Variants in SPICE1 observed in about 807,000 individuals in gnomAD.
SPICE1 encodes spindle and centriole associated protein 1, also known as spindle and centriole-associated protein 1.
SPICE1 carries 75 observed loss-of-function variants against 102.7 expected under a neutral mutation model. The observed-to-expected ratio is 0.73, with a 90% CI of 0.61 to 0.88. The LOEUF is 0.88. Ranked by LOEUF, SPICE1 falls within the 40% of genes least tolerant of loss-of-function variation. The probability of loss-of-function intolerance (pLI) is 0.00; values close to 1 mark genes in which losing one functional copy is unlikely to be tolerated. For missense variants in SPICE1, 979 were observed against 1,020.1 expected (o/e 0.96, Z 0.55); for synonymous variants, 308 against 350.3 (o/e 0.88, Z 1.35).
intron 11 of SPICE1, among the ~76,000 whole-genome samples, chr3:113,461,253 G>A (rs1400176480): frequency 4.0e-5 from 6 of 151,410 alleles, no homozygotes; most frequent in African/African-American, 1.2e-4. Context: ...TTTTACATAC[G>A]TGCATGAGAG....
intron 7 of SPICE1, among the ~76,000 whole-genome samples, chr3:113,475,614 G>GC (rs1368767815): frequency 6.6e-6 from 1 of 152,124 alleles, no homozygotes; most frequent in East Asian, 1.9e-4. Context: ...TCCCTGGGAT[G>GC]CAAGGCTGGT....
At chr3:113,494,184 T>C in intron 4 of SPICE1, 42 bp from the exon 5 acceptor site, 1 of 1,388,686 alleles carries the variant, frequency 7.2e-7, no homozygotes, top group Non-Finnish European at 1.0e-6. Flanking sequence ...TCAGATTATA[T>C]TTACTTTTCA....
At chr3:113,481,864 A>T (rs1405105774) in intron 7 of SPICE1, among the ~76,000 whole-genome samples, 1 of 152,108 alleles carries the variant, frequency 6.6e-6, no homozygotes, top group Non-Finnish European at 1.5e-5. Flanking sequence ...GTGAATAGTG[A>T]TGCAATAAAC....
chr3:113,473,306 C>T (rs1469844640), intron 7 of SPICE1, among the ~76,000 whole-genome samples: 2 of 152,040 alleles, frequency 1.3e-5, no homozygotes, highest in African/African-American at 4.8e-5. Context: ...AAATCTACGT[C>T]TGATTGGTGT....
rs779441712 is a variant in SPICE1, at chr3:113,450,516, T to C, written c.2143A>G (p.Thr715Ala). The C allele has an allele frequency of 6.4e-7, 1 of 1,563,152 alleles. No homozygotes were observed. The highest frequency in any genetic ancestry group is 1.2e-5 in the South Asian group (1 of 84,278). Residue 715 changes from threonine to alanine, a missense_variant and splice_region_variant, in exon 15 of 18, where the codon ACT (threonine) becomes GCT (alanine). Thr to Ala is a moderately conservative substitution (Grantham distance 58). Coordinates refer to ENST00000295872, the MANE Select transcript of SPICE1 (RefSeq NM_144718.4). ...KQESASDMTS[T>A]FPVAQSLTPG... ...GTTAGAGACTGTGCTACTGGAAAAG[T>C]CTTTGGGAGAAAAAAAAAAAAAGTA...
At chr3:113,482,977 T>C (rs967058064) in intron 7 of SPICE1, among the ~76,000 whole-genome samples, 1 of 152,224 alleles carries the variant, frequency 6.6e-6, no homozygotes, top group Non-Finnish European at 1.5e-5. Context: ...TAGCATTGAA[T>C]CTATAAATTA....
intron 1 of SPICE1, among the ~76,000 whole-genome samples, chr3:113,509,024 T>C (rs1476838920): frequency 6.6e-6 from 1 of 152,210 alleles, no homozygotes; most frequent in African/African-American, 2.4e-5. Flanking sequence ...TGATATGATG[T>C]GTCCAGAATA....
At chr3:113,449,159 A>G (rs1019327461) in intron 15 of SPICE1, 4 of 152,194 alleles carry the variant, frequency 2.6e-5, no homozygotes, top group African/African-American at 9.6e-5. Flanking sequence ...TTTAAACACA[A>G]AATTATTCTT....
intron 13 of SPICE1, among the ~76,000 whole-genome samples, chr3:113,456,676 A>T (rs1023412004): frequency 2.6e-5 from 4 of 152,218 alleles, no homozygotes; most frequent in African/African-American, 9.6e-5. Flanking sequence ...AATTGCCTCA[A>T]CTAACTGAGC....
At chr3:113,513,651 T>C (rs1282171352) in intron 1 of SPICE1, among the ~76,000 whole-genome samples, 2 of 152,342 alleles carry the variant, frequency 1.3e-5, no homozygotes, top group African/African-American at 2.4e-5. Flanking sequence ...CTCTGTTCCT[T>C]ATCTCTTAGT....
chr3:113,449,518 G>T (rs1176558098), intron 15 of SPICE1: 1 of 152,178 alleles, frequency 6.6e-6, no homozygotes, highest in South Asian at 2.1e-4. Context: ...ATTTCCAAAA[G>T]AGTCTGCTTT....
chr3:113,453,304 T>C (rs983532765), intron 14 of SPICE1, among the ~76,000 whole-genome samples, 162 bp downstream of exon 14: 2 of 152,224 alleles, frequency 1.3e-5, no homozygotes, highest in Non-Finnish European at 2.9e-5. Context: ...AACAGACTGA[T>C]AAATAACTTG....
In SPICE1 at chr3:113,450,483, T is replaced by C. The variant is rs767730050; in HGVS notation, c.2176A>G (p.Ser726Gly). 6 of 1,612,914 alleles carry C rather than the reference T, an allele frequency of 3.7e-6. No homozygotes were observed. The South Asian group carries it at 5.5e-5, about 15-fold the overall frequency. Residue 726 changes from serine to glycine, a missense_variant, in exon 15 of 18, where the codon AGT becomes GGT. Transcript: ENST00000295872. ...FPVAQSLTPG[S>G]MEERIAELNR... Reference sequence around the variant, plus strand: ...AATTCTGCAATCCGTTCCTCCATACTACCTGGTGTTAGAGACTGTGCTACT... The same window carrying C: ...AATTCTGCAATCCGTTCCTCCATACCACCTGGTGTTAGAGACTGTGCTACT...
At chr3:113,458,519 T>C (rs1471613173) in intron 12 of SPICE1, among the ~76,000 whole-genome samples, 1 of 152,320 alleles carries the variant, frequency 6.6e-6, no homozygotes, top group Admixed American at 6.5e-5. Context: ...CAGTGCTCAA[T>C]GTTGCCCAGG....
At chr3:113,461,054 T>C (rs1272361322) in intron 11 of SPICE1, among the ~76,000 whole-genome samples, 1 of 152,022 alleles carries the variant, frequency 6.6e-6, no homozygotes, top group East Asian at 1.9e-4. Flanking sequence ...AGAATTAACC[T>C]TTCTACAGGG....
At chr3:113,472,320 C>A (rs1936225127) in intron 7 of SPICE1, among the ~76,000 whole-genome samples, 5 of 152,242 alleles carry the variant, frequency 3.3e-5, no homozygotes, top group Admixed American at 2.0e-4. Flanking sequence ...CTCAAGGAGG[C>A]CTGCCTGCCT....
chr3:113,455,193 T>C (rs1466117355), intron 13 of SPICE1, among the ~76,000 whole-genome samples: 2 of 152,086 alleles, frequency 1.3e-5, no homozygotes, highest in African/African-American at 2.4e-5. Context: ...AAAAACCATA[T>C]ACAAATATGA....
In SPICE1 at chr3:113,460,621, A is replaced by C; in HGVS notation, c.1431T>G (p.Ser477Arg). The change falls in exon 12 of 18, where the codon AGT becomes AGG. Residue 477 changes from serine to arginine, a missense_variant. Coordinates refer to ENST00000295872, the MANE Select transcript of SPICE1 (RefSeq NM_144718.4). ...SGATGRRVMD[S>R]PERPVVNANV... ...AGAGAGTAAGACCACACTCACCTGG[A>C]CTGTCCATAACTCTTCTACCTGTGG... 6.2e-7 allele frequency: 1 copy of C among 1,609,896 alleles called. No individual in the cohort carries two copies. The highest frequency in any genetic ancestry group is 1.7e-5 in the Admixed American group (1 of 59,458).
chr3:113,454,196 T>G (rs575705182), intron 13 of SPICE1, among the ~76,000 whole-genome samples: 15 of 152,288 alleles, frequency 9.8e-5, no homozygotes, highest in Admixed American at 6.5e-4. Context: ...TCTGTCAAGT[T>G]CACATTTTAA....
Sources: allele counts gnomAD v4.1 joint callset (sites outside exome capture counted in the v4.1 genomes callset), GRCh38; gene constraint gnomAD v4.1.1; transcripts MANE v1.5; gene names NCBI Gene and HGNC (gene_info 2026-07-23, HGNC 2026-07-21).